The following FOXP2 variants were observed in gnomAD, a reference collection of about 807,000 sequenced individuals.
The protein encoded by FOXP2 is forkhead box protein P2.
FOXP2 carries 12 observed loss-of-function variants against 115.8 expected under a neutral mutation model. The ratio of observed to expected loss-of-function variants is 0.10; its 90% confidence interval spans 0.07 to 0.17. FOXP2 has a LOEUF of 0.17. FOXP2 is among the 10% of genes least tolerant of loss of function. The pLI, the probability that FOXP2 is intolerant of heterozygous loss-of-function variation, is 1.00. For missense variants in FOXP2, 629 were observed against 843.5 expected (o/e 0.75, Z 3.15); for synonymous variants, 328 against 297.7 (o/e 1.10, Z -1.05).
At chr7:114,307,396 C>T (rs1368905422) in intron 2 of FOXP2, among the ~76,000 whole-genome samples, 1 of 152,000 alleles carries the variant, frequency 6.6e-6, no homozygotes. Context: ...AGTCTAAGGC[C>T]AGTTAATGAC....
At chr7:114,678,428 T>C (rs1807891285) in intron 16 of FOXP2, among the ~76,000 whole-genome samples, 1 of 152,122 alleles carries the variant, frequency 6.6e-6, no homozygotes, top group African/African-American at 2.4e-5. Flanking sequence ...TAGGGACATG[T>C]CTTAAAGTTT....
rs143988318 is a variant in FOXP2, at chr7:114,335,793, T to A, written c.-11+47684T>A. Among the ~76,000 whole-genome samples, 604 of 151,888 alleles carry A rather than the reference T, an allele frequency of 4.0e-3. 2 individuals are homozygous for A. The highest frequency in any genetic ancestry group is 0.01 in the Middle Eastern group (3 of 294). On this transcript the variant is annotated intron_variant, in intron 2 of 17. Transcript: ENST00000634411. ...CCATTATTTATTATGGTAAACAGTCTTTCCTATATAATAGGCATGAAAAAA... is the reference window on the plus strand; with the variant it reads ...CCATTATTTATTATGGTAAACAGTCATTCCTATATAATAGGCATGAAAAAA...
chr7:114,311,690 G>A (rs558642114), intron 2 of FOXP2, among the ~76,000 whole-genome samples: 85 of 152,258 alleles, frequency 5.6e-4, no homozygotes, highest in African/African-American at 1.9e-3. Context: ...GAACAGAGGG[G>A]AGGGGTACAT....
intron 2 of FOXP2, among the ~76,000 whole-genome samples, chr7:114,471,962 GAAAAAAAA>G (rs755686269): frequency 8.3e-6 from 1 of 120,692 alleles, no homozygotes; most frequent in African/African-American, 3.1e-5. Flanking sequence ...TCCATCTCAG[GAAAAAAAA>G]AAAAAAAAGA....
intron 3 of FOXP2, among the ~76,000 whole-genome samples, chr7:114,570,000 A>G (rs932964535): frequency 6.6e-6 from 1 of 151,934 alleles, no homozygotes; most frequent in Non-Finnish European, 1.5e-5. Flanking sequence ...CATATCATAC[A>G]TGAAGTCTAA....
chr7:114,224,285 GCTTGTC>G (rs1219848456), intron 1 of FOXP2, among the ~76,000 whole-genome samples: 2 of 152,008 alleles, frequency 1.3e-5, no homozygotes, highest in Non-Finnish European at 2.9e-5. Flanking sequence ...TTTACAATTA[GCTTGTC>G]AGTTTGGATG....
At position 114,196,480 on chromosome 7, in the gene FOXP2, T is replaced by A. The variant is rs184464747; in HGVS notation, c.-102+33392T>A. On this transcript the variant is annotated intron_variant, in intron 1 of 17. Transcript: ENST00000634411. ...ATTATTAAACTATATTGGAGAAAAA[T>A]TTAAAACTTCCTTTTGTCAGATGGG... Among the ~76,000 whole-genome samples the A allele has an allele frequency of 3.7e-4, 57 of 152,350 alleles. No homozygotes were observed. The East Asian group carries it at 0.01, about 27-fold the overall frequency.
intron 16 of FOXP2, among the ~76,000 whole-genome samples, chr7:114,675,587 G>A (rs959517086): frequency 6.6e-6 from 1 of 152,118 alleles, no homozygotes; most frequent in Non-Finnish European, 1.5e-5. Flanking sequence ...TTGATAAAGT[G>A]CTAATCATGT....
At chr7:114,673,717 G>C (rs1443944208) in intron 16 of FOXP2, among the ~76,000 whole-genome samples, 1 of 150,288 alleles carries the variant, frequency 6.7e-6, no homozygotes, top group African/African-American at 2.4e-5. Flanking sequence ...CTTTTTTTTT[G>C]AGATGGAGTT....
At chr7:114,592,358 T>C (rs970442496) in intron 3 of FOXP2, among the ~76,000 whole-genome samples, 7 of 152,008 alleles carry the variant, frequency 4.6e-5, no homozygotes, top group Non-Finnish European at 1.0e-4. Context: ...GTTGTGTCCC[T>C]TAAGTTGGTT....
intron 2 of FOXP2, among the ~76,000 whole-genome samples, chr7:114,295,006 A>G (rs1158188099): frequency 6.6e-6 from 1 of 152,110 alleles, no homozygotes; most frequent in Non-Finnish European, 1.5e-5. Flanking sequence ...GGACAAACAT[A>G]ATGCACTATA....
At chr7:114,610,233 A>G (rs1335577901) in intron 3 of FOXP2, among the ~76,000 whole-genome samples, 1 of 152,250 alleles carries the variant, frequency 6.6e-6, no homozygotes, top group Non-Finnish European at 1.5e-5. Flanking sequence ...TAGATTATTT[A>G]GCTACACCAT....
At chr7:114,276,042 T>C (rs751805311) in intron 1 of FOXP2, among the ~76,000 whole-genome samples, 2 of 152,190 alleles carry the variant, frequency 1.3e-5, no homozygotes, top group African/African-American at 4.8e-5. Flanking sequence ...TTCCTTCAGA[T>C]CAATTAGTTT....
At chr7:114,631,940 A>T (rs1008393369) in intron 6 of FOXP2, among the ~76,000 whole-genome samples, 5 of 152,182 alleles carry the variant, frequency 3.3e-5, no homozygotes, top group Non-Finnish European at 7.3e-5. Flanking sequence ...TTAAATGTGT[A>T]TTTATTAGTC....
rs79307074 is a variant in FOXP2, at chr7:114,350,941, G to A, written c.-11+62832G>A. On this transcript the variant is annotated intron_variant, in intron 2 of 17. Coordinates refer to the FOXP2 transcript ENST00000634411. ...GCGTATAACCTACACACATACTTTTGTATATATTTCATCATCTCTAGACTA... is the reference window on the plus strand; with the variant it reads ...GCGTATAACCTACACACATACTTTTATATATATTTCATCATCTCTAGACTA... Among the ~76,000 whole-genome samples, 1,219 of 152,158 alleles carry A rather than the reference G, an allele frequency of 8.0e-3. 14 individuals are homozygous for A. Among genetic ancestry groups the A allele is most frequent in the African/African-American group, 0.028 (1,160 of 41,546 alleles).
intron 1 of FOXP2, among the ~76,000 whole-genome samples, chr7:114,248,774 C>T (rs909941056): frequency 6.6e-6 from 1 of 152,122 alleles, no homozygotes; most frequent in African/African-American, 2.4e-5. Context: ...TTGTGCCAGG[C>T]ATTGTTCTAA....
chr7:114,331,898 C>T (rs1247962624), intron 2 of FOXP2, among the ~76,000 whole-genome samples: 1 of 152,122 alleles, frequency 6.6e-6, no homozygotes, highest in African/African-American at 2.4e-5. Context: ...CCACCCACTT[C>T]AGCCTCCCAA....
chr7:114,660,275 T>A (rs1806795471), intron 13 of FOXP2, among the ~76,000 whole-genome samples: 1 of 152,336 alleles, frequency 6.6e-6, no homozygotes, highest in African/African-American at 2.4e-5. Flanking sequence ...AAAAAAAATG[T>A]TAGTTCTATG....
intron 1 of FOXP2, among the ~76,000 whole-genome samples, chr7:114,281,162 C>G (rs905731628): frequency 3.9e-5 from 5 of 129,112 alleles, no homozygotes; most frequent in African/African-American, 1.4e-4. Flanking sequence ...AGTGCCATGG[C>G]GTAATTTCGG....
Sources: allele counts gnomAD v4.1 joint callset (sites outside exome capture counted in the v4.1 genomes callset), GRCh38; gene constraint gnomAD v4.1.1; transcripts MANE v1.5; gene names NCBI Gene and HGNC (gene_info 2026-07-23, HGNC 2026-07-21).